Variants in STXBP5 observed in about 807,000 individuals in gnomAD.
The protein encoded by STXBP5 is syntaxin binding protein 5, also known as syntaxin-binding protein 5.
A neutral mutation model predicts 152.4 loss-of-function variants in STXBP5; 50 were observed. That is an observed-to-expected ratio of 0.33 (90% confidence interval 0.26 to 0.42). The LOEUF (loss-of-function observed/expected upper bound fraction) is 0.42, where lower values mean the gene tolerates loss of function less well. Among genes scored for constraint, STXBP5 ranks in the 10% least tolerant of loss-of-function variants. The probability of loss-of-function intolerance (pLI) is 1.00; values close to 1 mark genes in which losing one functional copy is unlikely to be tolerated. For missense variants in STXBP5, 1,167 were observed against 1,388.6 expected, an observed-to-expected ratio of 0.84 and a Z score of 2.54; for synonymous variants, 492 against 494.7, an observed-to-expected ratio of 0.99 and a Z score of 0.07.
At position 147,239,120 on chromosome 6, in the gene STXBP5, A is replaced by G. The variant is rs550434181; in HGVS notation, c.331-50A>G. ...TTCTGGCAGCTATTGAGTAGACTTC[A>G]TGTTTATAAAATATATTATACATGA... On this transcript the variant is annotated intron_variant, in intron 3 of 27. Coordinates refer to ENST00000321680, the MANE Select transcript of STXBP5 (RefSeq NM_001127715.4). 15 of 1,518,316 alleles carry G rather than the reference A, an allele frequency of 9.9e-6. No individual in the cohort carries two copies. In the South Asian group the frequency reaches 1.4e-4, roughly 14 times the overall value. 94.1% of individuals were successfully genotyped at this position (1,518,316 alleles called of 1,614,324 possible).
intron 16 of STXBP5, among the ~76,000 whole-genome samples, 180 bp from the exon 17 acceptor site, chr6:147,324,779 G>A (rs1444800142): frequency 6.6e-6 from 1 of 151,304 alleles, no homozygotes; most frequent in Non-Finnish European, 1.5e-5. Context: ...GTTTGCATAT[G>A]AGTTATTTTT....
intron 22 of STXBP5, among the ~76,000 whole-genome samples, chr6:147,354,325 C>A (rs1304703859): frequency 6.6e-6 from 1 of 152,076 alleles, no homozygotes; most frequent in African/African-American, 2.4e-5. Context: ...ACAATATATT[C>A]CACTGTCATT....
intron 2 of STXBP5, among the ~76,000 whole-genome samples, chr6:147,207,996 G>A (rs2115017869): frequency 6.6e-6 from 1 of 152,264 alleles, no homozygotes; most frequent in South Asian, 2.1e-4. Flanking sequence ...TAAAGCGTTA[G>A]GCCTAGTGTG....
intron 23 of STXBP5, among the ~76,000 whole-genome samples, chr6:147,360,532 T>TA (rs1318441822): frequency 6.6e-6 from 1 of 152,058 alleles, no homozygotes; most frequent in African/African-American, 2.4e-5. Flanking sequence ...TGTAAGAAAA[T>TA]TTTTTTTAAA....
chr6:147,213,719 A>T (rs182042827), intron 2 of STXBP5, among the ~76,000 whole-genome samples: 2 of 152,064 alleles, frequency 1.3e-5, no homozygotes, highest in Non-Finnish European at 2.9e-5. Context: ...TCCTGACCTG[A>T]TTTGCTATAT....
At chr6:147,289,551 A>G (rs1403091339) in intron 8 of STXBP5, among the ~76,000 whole-genome samples, 2 of 152,194 alleles carry the variant, frequency 1.3e-5, no homozygotes, top group Non-Finnish European at 2.9e-5. Flanking sequence ...TTTGCAACAT[A>G]CATGATTGAC....
At chr6:147,290,844 A>G (rs1259567423) in intron 8 of STXBP5, among the ~76,000 whole-genome samples, 1 of 152,234 alleles carries the variant, frequency 6.6e-6, no homozygotes, top group Non-Finnish European at 1.5e-5. Context: ...TTCTCCTGCT[A>G]GAATTTTGTC....
At chr6:147,352,875 A>AAATT (rs1784652130) in intron 21 of STXBP5, among the ~76,000 whole-genome samples, 1 of 152,180 alleles carries the variant, frequency 6.6e-6, no homozygotes, top group Admixed American at 6.5e-5. Flanking sequence ...AAAAACTTTT[A>AAATT]AAAAGTTGGC....
chr6:147,206,771 T>C (rs1298048946), intron 2 of STXBP5, among the ~76,000 whole-genome samples: 3 of 152,210 alleles, frequency 2.0e-5, no homozygotes, highest in African/African-American at 7.2e-5. Context: ...ATATTAGTTT[T>C]ATCAAGCATT....
intron 2 of STXBP5, among the ~76,000 whole-genome samples, chr6:147,216,395 A>G (rs1228443522): frequency 6.6e-6 from 1 of 152,190 alleles, no homozygotes; most frequent in Non-Finnish European, 1.5e-5. Context: ...CCATGTCAAA[A>G]ACAAAAAACA....
rs569428865 is a variant in STXBP5, at chr6:147,206,295, G to A, written c.248+227G>A. Among the ~76,000 whole-genome samples, 178 of 152,232 alleles carry A rather than the reference G, an allele frequency of 1.2e-3. 1 individual carries two copies. The highest frequency in any genetic ancestry group is 4.2e-3 in the African/African-American group (175 of 41,516). On this transcript the variant is annotated intron_variant, in intron 2 of 27. Coordinates refer to ENST00000321680, the MANE Select transcript of STXBP5 (RefSeq NM_001127715.4). ...TAGCTAAACATATATCCAAATAGAG[G>A]TCTAAAGTTTTTTTATGATAACTAT...
intron 2 of STXBP5, among the ~76,000 whole-genome samples, chr6:147,216,560 G>A (rs1182716195): frequency 6.6e-6 from 1 of 151,944 alleles, no homozygotes; most frequent in Non-Finnish European, 1.5e-5. Context: ...ATATTTTATA[G>A]TTGCCCACTG....
intron 2 of STXBP5, among the ~76,000 whole-genome samples, chr6:147,228,090 A>T (rs80302497): frequency 0.021 from 3,206 of 151,890 alleles, 100 homozygotes; most frequent in African/African-American, 0.073. Context: ...GGGCTTTTTC[A>T]TCTTTTTTCT....
intron 6 of STXBP5, among the ~76,000 whole-genome samples, chr6:147,263,103 C>G (rs1351762177): frequency 6.6e-6 from 1 of 151,820 alleles, no homozygotes; most frequent in Non-Finnish European, 1.5e-5. Context: ...TTCATTTCCT[C>G]AATTGTGGGA....
chr6:147,327,325 G>A (rs766387236), intron 18 of STXBP5, 49 bp downstream of exon 18: 5 of 1,575,516 alleles, frequency 3.2e-6, no homozygotes, highest in East Asian at 2.2e-5. Context: ...TTCTATAAAT[G>A]CTGGCTTACT....
At chr6:147,239,911 T>A (rs1013685155) in intron 4 of STXBP5, among the ~76,000 whole-genome samples, 5 of 152,220 alleles carry the variant, frequency 3.3e-5, no homozygotes, top group South Asian at 4.1e-4. Context: ...CCAATTTGAT[T>A]AATCATCATC....
chr6:147,223,111 A>G (rs1046557215), intron 2 of STXBP5, among the ~76,000 whole-genome samples: 3 of 152,224 alleles, frequency 2.0e-5, no homozygotes, highest in Non-Finnish European at 2.9e-5. Context: ...TTAAGATAAA[A>G]TGATTTCCAT....
chr6:147,262,403 T>C (rs530770741), intron 6 of STXBP5, 50 bp downstream of exon 6: 1 of 1,154,726 alleles, frequency 8.7e-7, no homozygotes, highest in Admixed American at 2.7e-5. Flanking sequence ...ATTTTAGTAT[T>C]TTTCAATAAA....
At chr6:147,382,637 G>A in intron 26 of STXBP5, 141 bp from the exon 27 acceptor site, 1 of 800,532 alleles carries the variant, frequency 1.2e-6, no homozygotes, top group South Asian at 1.8e-5. Flanking sequence ...AAGAAAGCAT[G>A]TATTAAGCAT....
Sources: allele counts gnomAD v4.1 joint callset (sites outside exome capture counted in the v4.1 genomes callset), GRCh38; gene constraint gnomAD v4.1.1; transcripts MANE v1.5; gene names NCBI Gene and HGNC (gene_info 2026-07-23, HGNC 2026-07-21).